UQCC1: variants seen among roughly 807,000 people sequenced by gnomAD.
UQCC1 encodes the protein ubiquinol-cytochrome c reductase complex assembly factor 1.
A neutral mutation model predicts 48.0 loss-of-function variants in UQCC1; 38 were observed. The observed-to-expected ratio is 0.79, with a 90% CI of 0.61 to 1.04. UQCC1 has a LOEUF of 1.04. Ranked by LOEUF, UQCC1 falls within the 50% of genes least tolerant of loss-of-function variation. UQCC1 has a pLI of 0.00. For missense variants in UQCC1, 368 were observed against 381.8 expected (o/e 0.96, Z 0.30); for synonymous variants, 111 against 129.2 (o/e 0.86, Z 0.95).
At chr20:35,410,755 T>TAAA (rs57478774) in intron 1 of UQCC1, among the ~76,000 whole-genome samples, 2 of 40,502 alleles carry the variant, frequency 4.9e-5, no homozygotes, top group Non-Finnish European at 9.9e-5. Flanking sequence ...GGGGAAGGAT[T>TAAA]AAAAAAAAAA....
At chr20:35,310,342 C>T (rs1274075931) in intron 8 of UQCC1, among the ~76,000 whole-genome samples, 2 of 151,998 alleles carry the variant, frequency 1.3e-5, no homozygotes, top group Non-Finnish European at 2.9e-5. Context: ...AAGAAGTAGG[C>T]CTTTAAGAAT....
At chr20:35,388,942 G>A (rs528517582) in intron 2 of UQCC1, among the ~76,000 whole-genome samples, 76 of 151,772 alleles carry the variant, frequency 5.0e-4, no homozygotes, top group African/African-American at 1.8e-3. Context: ...GTGTGCGCCT[G>A]TAGTCCCCAG....
intron 3 of UQCC1, 122 bp from the exon 4 acceptor site, chr20:35,382,147 C>A (rs573694340): frequency 5.2e-6 from 3 of 581,732 alleles, no homozygotes; most frequent in East Asian, 3.0e-5. Context: ...CCTCCCCTCA[C>A]CCAGGCTAAA....
intron 7 of UQCC1, among the ~76,000 whole-genome samples, chr20:35,339,707 T>C (rs756399856): frequency 1.3e-5 from 2 of 152,150 alleles, no homozygotes; most frequent in Non-Finnish European, 2.9e-5. Flanking sequence ...TTAAAGGATG[T>C]AAGAGTAATA....
At chr20:35,403,088 C>T (rs1156643723) in intron 1 of UQCC1, among the ~76,000 whole-genome samples, 1 of 151,534 alleles carries the variant, frequency 6.6e-6, no homozygotes, top group Non-Finnish European at 1.5e-5. Context: ...AAAAAAATTA[C>T]CTATACACTG....
intron 6 of UQCC1, 100 bp from the exon 7 acceptor site, chr20:35,347,372 G>C (rs2146389649): frequency 7.0e-7 from 1 of 1,434,102 alleles, no homozygotes; most frequent in South Asian, 1.2e-5. Flanking sequence ...TTTAGCAAAG[G>C]GCACCAAATC....
chr20:35,314,601 T>C, intron 8 of UQCC1, 87 bp downstream of exon 8: 1 of 1,090,990 alleles, frequency 9.2e-7, no homozygotes, highest in South Asian at 1.6e-5. Flanking sequence ...GTAACAATGG[T>C]CCCTGTGGCT....
intron 7 of UQCC1, among the ~76,000 whole-genome samples, chr20:35,339,880 T>C (rs2061358665): frequency 6.6e-6 from 1 of 151,712 alleles, no homozygotes. Flanking sequence ...CATTTGTTTA[T>C]CTCTATCCAT....
At chr20:35,406,303 C>T (rs1480307435) in intron 1 of UQCC1, among the ~76,000 whole-genome samples, 1 of 152,166 alleles carries the variant, frequency 6.6e-6, no homozygotes, top group African/African-American at 2.4e-5. Flanking sequence ...AAGAGAGCCA[C>T]AGACACATCA....
chr20:35,308,466 T>C (rs1274628432), intron 8 of UQCC1, among the ~76,000 whole-genome samples: 1 of 152,232 alleles, frequency 6.6e-6, no homozygotes, highest in Non-Finnish European at 1.5e-5. Flanking sequence ...GCGCGTGTTA[T>C]GGGGACCTGG....
chr20:35,384,662 A>AG (rs1555813300), intron 2 of UQCC1: 45 of 403,876 alleles, frequency 1.1e-4, no homozygotes, highest in Middle Eastern at 7.4e-4. Flanking sequence ...AAAAAAAAAA[A>AG]AGAGAGAGAG....
At chr20:35,309,424 C>G (rs1435130575) in intron 8 of UQCC1, among the ~76,000 whole-genome samples, 1 of 151,278 alleles carries the variant, frequency 6.6e-6, no homozygotes, top group African/African-American at 2.4e-5. Flanking sequence ...CAGAGTGAGA[C>G]CCTGTCTTAG....
intron 9 of UQCC1, 80 bp downstream of exon 9, chr20:35,306,586 A>T: frequency 9.2e-7 from 1 of 1,081,478 alleles, no homozygotes; most frequent in Non-Finnish European, 1.4e-6. Flanking sequence ...TGGTAACTCC[A>T]CCTCTCATGA....
intron 7 of UQCC1, among the ~76,000 whole-genome samples, chr20:35,337,060 T>C (rs2061323529): frequency 6.6e-6 from 1 of 152,202 alleles, no homozygotes; most frequent in Non-Finnish European, 1.5e-5. Context: ...CAGAGCCAAT[T>C]TCCCAATCAT....
intron 2 of UQCC1, among the ~76,000 whole-genome samples, chr20:35,391,663 T>C (rs891021798): frequency 2.0e-5 from 3 of 151,150 alleles, no homozygotes; most frequent in Non-Finnish European, 2.9e-5. Context: ...TTTAACAGAT[T>C]GGAGACGACT....
rs71830656 is a variant in UQCC1 at position 35,376,307 on chromosome 20, CA to C, written c.334-2052del. On this transcript the variant is annotated intron_variant, in intron 4 of 9. Coordinates refer to ENST00000374385, the MANE Select transcript of UQCC1 (RefSeq NM_018244.5). ...TGGGCGACAGAGCCAGACTCCGCCT[CA>C]AAAAAAAAATCAATAAAATTGATAA... Among the ~76,000 whole-genome samples the C allele has an allele frequency of 2.8e-3, 407 of 145,804 alleles. 1 individual carries two copies. The highest frequency in any genetic ancestry group is 8.5e-3 in the African/African-American group (338 of 39,782).
chr20:35,397,224 A>G (rs555830243), intron 1 of UQCC1, among the ~76,000 whole-genome samples: 1 of 151,446 alleles, frequency 6.6e-6, no homozygotes, highest in East Asian at 1.9e-4. Flanking sequence ...AAAAAAAAAA[A>G]GAAAAATCAG....
At chr20:35,331,747 C>T (rs1407601755) in intron 7 of UQCC1, among the ~76,000 whole-genome samples, 2 of 152,142 alleles carry the variant, frequency 1.3e-5, no homozygotes, top group South Asian at 2.1e-4. Flanking sequence ...GAACAGGAGA[C>T]GGATGAAAGA....
chr20:35,381,725 C>T (rs896291242), intron 4 of UQCC1, among the ~76,000 whole-genome samples, 193 bp downstream of exon 4: 2 of 152,148 alleles, frequency 1.3e-5, no homozygotes, highest in Non-Finnish European at 2.9e-5. Flanking sequence ...GAAGGGGACA[C>T]CCGCCTACCC....
Sources: allele counts gnomAD v4.1 joint callset (sites outside exome capture counted in the v4.1 genomes callset), GRCh38; gene constraint gnomAD v4.1.1; transcripts MANE v1.5; gene names NCBI Gene and HGNC (gene_info 2026-07-23, HGNC 2026-07-21).